FAM193A: variants seen among roughly 807,000 people sequenced by gnomAD.
The protein encoded by FAM193A is protein FAM193A.
In FAM193A, 22 loss-of-function variants were observed where a neutral mutation model predicts 126.5. The ratio of observed to expected loss-of-function variants is 0.17; its 90% CI spans 0.12 to 0.25. The LOEUF (loss-of-function observed/expected upper bound fraction) is 0.25. FAM193A is among the 10% of genes least tolerant of loss of function. The probability of loss-of-function intolerance (pLI) is 1.00; values close to 1 mark genes in which losing one functional copy is unlikely to be tolerated. For missense variants in FAM193A, 1,675 were observed against 1,672.8 expected (o/e 1.00, Z -0.02); for synonymous variants, 761 against 646.8 (o/e 1.18, Z -2.68).
At chr4:2,619,592 T>C (rs1224443277) in intron 2 of FAM193A, among the ~76,000 whole-genome samples, 1 of 152,118 alleles carries the variant, frequency 6.6e-6, no homozygotes, top group African/African-American at 2.4e-5. Context: ...GCTCTCGAAT[T>C]CCTGACCTCA....
chr4:2,678,407 C>T (rs1251321916), intron 13 of FAM193A, among the ~76,000 whole-genome samples: 20 of 140,344 alleles, frequency 1.4e-4, no homozygotes, highest in Admixed American at 1.0e-3. Flanking sequence ...TTGTCGCCTA[C>T]GCTGGAGTGC....
intron 1 of FAM193A, among the ~76,000 whole-genome samples, chr4:2,562,198 A>G (rs1254113413): frequency 6.6e-6 from 1 of 152,136 alleles, no homozygotes; most frequent in Non-Finnish European, 1.5e-5. Flanking sequence ...CTATAATCGC[A>G]GCACTTTGGG....
At chr4:2,576,303 T>G (rs954433333) in intron 1 of FAM193A, among the ~76,000 whole-genome samples, 2 of 152,082 alleles carry the variant, frequency 1.3e-5, no homozygotes, top group Non-Finnish European at 2.9e-5. Flanking sequence ...TTTCACTATG[T>G]TGGCCAGGCT....
intron 20 of FAM193A, among the ~76,000 whole-genome samples, chr4:2,723,984 A>G (rs1041865130): frequency 6.6e-6 from 1 of 150,938 alleles, no homozygotes; most frequent in East Asian, 1.9e-4. Flanking sequence ...AGTTTTCTCA[A>G]CAGTCAGAAG....
intron 13 of FAM193A, among the ~76,000 whole-genome samples, chr4:2,681,604 A>C (rs1715130377): frequency 1.3e-5 from 2 of 151,856 alleles, no homozygotes. Context: ...GTGTGCCACC[A>C]TGCCCAGCTA....
chr4:2,625,232 C>T (rs1240083275), intron 2 of FAM193A, 30 bp from the exon 3 acceptor site: 2 of 653,192 alleles, frequency 3.1e-6, no homozygotes, highest in Non-Finnish European at 5.6e-6. Context: ...TTTAACATAA[C>T]TGGTCTATTC....
At chr4:2,649,003 G>C (rs1745405918) in intron 7 of FAM193A, among the ~76,000 whole-genome samples, 1 of 152,196 alleles carries the variant, frequency 6.6e-6, no homozygotes, top group Non-Finnish European at 1.5e-5. Flanking sequence ...CCTGCAAAAT[G>C]AGATAATTAT....
At chr4:2,702,892 T>TA (rs1454732737) in intron 19 of FAM193A, among the ~76,000 whole-genome samples, 3 of 152,216 alleles carry the variant, frequency 2.0e-5, no homozygotes, top group Non-Finnish European at 4.4e-5. Flanking sequence ...TTAGTACAAT[T>TA]ACGTTATTGA....
Position 2,663,294 on chromosome 4 carries a change from A to T in FAM193A, c.2079+6A>T. 1 of 1,549,542 alleles carries T rather than the reference A, an allele frequency of 6.5e-7. No individual in the cohort carries two copies. Among genetic ancestry groups the T allele is most frequent in the Non-Finnish European group, 8.7e-7 (1 of 1,149,564 alleles). On this transcript the variant is annotated splice_donor_region_variant and intron_variant, in intron 12 of 20. Coordinates refer to ENST00000637812, the MANE Select transcript of FAM193A (RefSeq NM_001366318.2). Reference sequence around the variant, plus strand: ...CATCCTACCCAACACAGCAGGTAGGACTTTGCTTGCTGTTTTGCCAAGGAT... The same window carrying T: ...CATCCTACCCAACACAGCAGGTAGGTCTTTGCTTGCTGTTTTGCCAAGGAT...
chr4:2,563,464 G>A (rs1440998564), intron 1 of FAM193A, among the ~76,000 whole-genome samples: 1 of 151,956 alleles, frequency 6.6e-6, no homozygotes, highest in Non-Finnish European at 1.5e-5. Flanking sequence ...AGTACTTTTG[G>A]GAGGCCGAGG....
At chr4:2,683,286 T>C (rs1174164414) in intron 13 of FAM193A, among the ~76,000 whole-genome samples, 7 of 147,558 alleles carry the variant, frequency 4.7e-5, no homozygotes, top group South Asian at 4.3e-4. Flanking sequence ...GATTTTCTCT[T>C]TTTTTTTTTT....
At chr4:2,681,312 C>T (rs1324263044) in intron 13 of FAM193A, among the ~76,000 whole-genome samples, 1 of 148,148 alleles carries the variant, frequency 6.8e-6, no homozygotes, top group Admixed American at 6.7e-5. Flanking sequence ...TTTTTTTTTT[C>T]CCCTATTGTT....
chr4:2,598,722 C>A (rs539627627), intron 2 of FAM193A, among the ~76,000 whole-genome samples: 36 of 152,352 alleles, frequency 2.4e-4, no homozygotes, highest in Non-Finnish European at 4.6e-4. Context: ...GAGGTTGTTT[C>A]CTGTGTCCTG....
At chr4:2,701,048 G>A (rs1717672909) in intron 19 of FAM193A, among the ~76,000 whole-genome samples, 1 of 139,790 alleles carries the variant, frequency 7.2e-6, no homozygotes, top group Admixed American at 8.2e-5. Flanking sequence ...TCCCATGTTT[G>A]CTTCGTTATT....
intron 2 of FAM193A, among the ~76,000 whole-genome samples, chr4:2,597,717 C>G (rs1242842513): frequency 6.6e-6 from 1 of 152,132 alleles, no homozygotes; most frequent in African/African-American, 2.4e-5. Flanking sequence ...TGTAGGTCAG[C>G]CTCTTTGTTG....
chr4:2,641,262 G>T (rs1317614277), intron 6 of FAM193A, among the ~76,000 whole-genome samples: 4 of 151,528 alleles, frequency 2.6e-5, no homozygotes, highest in Non-Finnish European at 4.4e-5. Context: ...GGCCAGGGTG[G>T]TCTTGAACTC....
chr4:2,630,855 CTT>C, intron 4 of FAM193A, 78 bp from the exon 5 acceptor site: 1 of 779,840 alleles, frequency 1.3e-6, no homozygotes. Context: ...TGTGGAAGGG[CTT>C]CAGAAAAGAT....
intron 5 of FAM193A, among the ~76,000 whole-genome samples, chr4:2,636,266 T>C (rs1214225174): frequency 5.9e-5 from 9 of 152,062 alleles, no homozygotes; most frequent in African/African-American, 2.2e-4. Context: ...GGTTTCACTG[T>C]GTTAGCCAGG....
intron 1 of FAM193A, among the ~76,000 whole-genome samples, chr4:2,546,559 C>T (rs1251951823): frequency 6.6e-6 from 1 of 152,122 alleles, no homozygotes; most frequent in Non-Finnish European, 1.5e-5. Flanking sequence ...TTTCACTCAG[C>T]ATAATGACTT....
Sources: allele counts gnomAD v4.1 joint callset (sites outside exome capture counted in the v4.1 genomes callset), GRCh38; gene constraint gnomAD v4.1.1; transcripts MANE v1.5; gene names NCBI Gene and HGNC (gene_info 2026-07-23, HGNC 2026-07-21).